The following FRMD4B variants were observed in gnomAD, a reference collection of about 807,000 sequenced individuals.
The protein encoded by FRMD4B is FERM domain containing 4B, also known as FERM domain-containing protein 4B.
A neutral mutation model predicts 141.5 loss-of-function variants in FRMD4B; 74 were observed. The ratio of observed to expected loss-of-function variants is 0.52; its 90% confidence interval spans 0.43 to 0.63. The LOEUF is 0.63. Among genes scored for constraint, FRMD4B ranks in the 30% least tolerant of loss-of-function variants. FRMD4B has a pLI of 0.00. For missense variants in FRMD4B, 1,366 were observed against 1,253.4 expected (o/e 1.09, Z -1.36); for synonymous variants, 506 against 467.9 (o/e 1.08, Z -1.05).
chr3:69,477,626 T>C (rs1706026213), intron 1 of FRMD4B, among the ~76,000 whole-genome samples: 1 of 152,140 alleles, frequency 6.6e-6, no homozygotes, highest in African/African-American at 2.4e-5. Context: ...TTGAGGATTT[T>C]TGCATCAATG....
intron 1 of FRMD4B, among the ~76,000 whole-genome samples, chr3:69,344,657 A>G (rs1441432832): frequency 6.6e-6 from 1 of 152,188 alleles, no homozygotes; most frequent in African/African-American, 2.4e-5. Context: ...CAGCCACACC[A>G]TACTGTTGTA....
At chr3:69,504,456 C>T (rs1033715215) in intron 1 of FRMD4B, among the ~76,000 whole-genome samples, 3 of 152,126 alleles carry the variant, frequency 2.0e-5, no homozygotes, top group Admixed American at 6.5e-5. Context: ...AAACCTACAC[C>T]GAGTGTAGTC....
intron 11 of FRMD4B, among the ~76,000 whole-genome samples, chr3:69,203,436 G>C (rs1371053001): frequency 6.6e-6 from 1 of 151,560 alleles, no homozygotes; most frequent in African/African-American, 2.4e-5. Context: ...CAGTAGCTTT[G>C]AGAGTCATTT....
chr3:69,494,137 C>G (rs1435629012), intron 1 of FRMD4B, among the ~76,000 whole-genome samples: 1 of 152,180 alleles, frequency 6.6e-6, no homozygotes, highest in African/African-American at 2.4e-5. Context: ...ACCTTGGCCT[C>G]CCTAAGCACT....
At chr3:69,250,508 T>C (rs953434878) in intron 5 of FRMD4B, among the ~76,000 whole-genome samples, 8 of 152,106 alleles carry the variant, frequency 5.3e-5, no homozygotes, top group Non-Finnish European at 1.0e-4. Context: ...ATAATTTTTT[T>C]CCCCTGTGTT....
At chr3:69,228,597 G>A (rs1369895779) in intron 7 of FRMD4B, 2 of 413,220 alleles carry the variant, frequency 4.8e-6, no homozygotes, top group Non-Finnish European at 9.6e-6. Context: ...CACTTTGGGA[G>A]ACTGAGCTGG....
intron 4 of FRMD4B, among the ~76,000 whole-genome samples, chr3:69,288,346 C>T (rs555701298): frequency 6.6e-6 from 1 of 152,376 alleles, no homozygotes; most frequent in South Asian, 2.1e-4. Flanking sequence ...TCACACTTTT[C>T]AATCACTCCT....
At chr3:69,280,688 A>G (rs560147431) in intron 5 of FRMD4B, among the ~76,000 whole-genome samples, 1 of 152,252 alleles carries the variant, frequency 6.6e-6, no homozygotes, top group African/African-American at 2.4e-5. Flanking sequence ...TGTCCATGAC[A>G]TTAACCACTG....
At chr3:69,208,316 G>T (rs974697512) in intron 11 of FRMD4B, among the ~76,000 whole-genome samples, 30 of 152,054 alleles carry the variant, frequency 2.0e-4, no homozygotes, top group African/African-American at 6.5e-4. Context: ...TACCCACCTC[G>T]GCCTCCCAAA....
At chr3:69,245,347 G>GTTTTT (rs1488467550) in intron 7 of FRMD4B, among the ~76,000 whole-genome samples, 3 of 150,784 alleles carry the variant, frequency 2.0e-5, no homozygotes, top group African/African-American at 7.4e-5. Context: ...GTGTGTGTGT[G>GTTTTT]TGTGTGTTTT....
intron 19 of FRMD4B, 98 bp from the exon 20 acceptor site, chr3:69,182,815 G>A (rs949523512): frequency 5.3e-5 from 62 of 1,164,110 alleles, no homozygotes; most frequent in Non-Finnish European, 6.7e-5. Context: ...GAAGCCCAAG[G>A]AAAGGGAAAA....
intron 11 of FRMD4B, among the ~76,000 whole-genome samples, chr3:69,202,033 G>A (rs905461535): frequency 6.6e-6 from 1 of 151,996 alleles, no homozygotes; most frequent in African/African-American, 2.4e-5. Flanking sequence ...GTGAAACCCC[G>A]TGTCTACTAA....
At chr3:69,313,551 G>A (rs766982261) in intron 1 of FRMD4B, 34 bp from the exon 2 acceptor site, 9 of 1,373,068 alleles carry the variant, frequency 6.6e-6, no homozygotes, top group Non-Finnish European at 9.2e-6. Flanking sequence ...TGGTGTCAGG[G>A]CCACGGCTGG....
intron 1 of FRMD4B, among the ~76,000 whole-genome samples, chr3:69,447,161 G>A (rs1705421485): frequency 6.6e-6 from 1 of 152,198 alleles, no homozygotes; most frequent in African/African-American, 2.4e-5. Flanking sequence ...GAGCTACAGA[G>A]TGGTAGTGAC....
intron 8 of FRMD4B, 82 bp from the exon 9 acceptor site, chr3:69,222,005 TCA>T: frequency 1.3e-6 from 1 of 774,096 alleles, no homozygotes; most frequent in Non-Finnish European, 2.3e-6. Context: ...CAGGTGGCTG[TCA>T]GGAAACTTGA....
chr3:69,300,230 T>C (rs1701171369), intron 4 of FRMD4B, among the ~76,000 whole-genome samples: 1 of 152,200 alleles, frequency 6.6e-6, no homozygotes, highest in Admixed American at 6.5e-5. Context: ...CTTTATCATT[T>C]CCTTAATTAA....
chr3:69,484,948 G>A (rs1407594315), intron 1 of FRMD4B, among the ~76,000 whole-genome samples: 2 of 151,906 alleles, frequency 1.3e-5, no homozygotes, highest in Non-Finnish European at 2.9e-5. Flanking sequence ...CAGGCTTCAG[G>A]TCTGCCCCAG....
intron 1 of FRMD4B, among the ~76,000 whole-genome samples, chr3:69,533,966 G>A (rs1701042859): frequency 6.6e-6 from 1 of 152,156 alleles, no homozygotes; most frequent in Admixed American, 6.5e-5. Flanking sequence ...ACATGCCCAA[G>A]AATCTTCCAG....
rs187099844 is a variant in FRMD4B at position 69,171,925 on chromosome 3, T to G, written c.3041A>C (p.Asn1014Thr). The stretch of plus-strand genomic sequence containing the variant: ...GAGTCTCTGCTCACTACTCTCCAGG[T>G]TGTCTTCCAGCTGGTTTCCATCTGT... The part of the protein sequence containing the change: ...DGTDGNQLED[N>T]LESSEQRLFW... The change falls in exon 23 of 23, where the codon AAC (asparagine) becomes ACC (threonine). Residue 1014 changes from asparagine (N) to threonine (T), a missense_variant. Physicochemically the swap from Asn to Thr is moderately conservative, Grantham distance 65 (BLOSUM62 0). Coordinates refer to ENST00000398540, the MANE Select transcript of FRMD4B (RefSeq NM_015123.3). The G allele has an allele frequency of 6.2e-7, 1 of 1,612,842 alleles. No homozygotes were observed. The highest frequency in any genetic ancestry group is 8.5e-7 in the Non-Finnish European group (1 of 1,178,942).
Sources: allele counts gnomAD v4.1 joint callset (sites outside exome capture counted in the v4.1 genomes callset), GRCh38; gene constraint gnomAD v4.1.1; transcripts MANE v1.5; gene names NCBI Gene and HGNC (gene_info 2026-07-23, HGNC 2026-07-21).